CTNNA3: variants seen among roughly 807,000 people sequenced by gnomAD.
CTNNA3 encodes the protein catenin alpha 3.
A neutral mutation model predicts 95.7 loss-of-function variants in CTNNA3; 76 were observed. The ratio of observed to expected loss-of-function variants is 0.79; its 90% CI spans 0.66 to 0.96. The LOEUF (loss-of-function observed/expected upper bound fraction) is 0.96, where lower values mean the gene tolerates loss of function less well. Among genes scored for constraint, CTNNA3 ranks in the 40% least tolerant of loss-of-function variants. The pLI is 0.00. For synonymous variants in CTNNA3, 431 were observed against 374.4 expected, an observed-to-expected ratio of 1.15 and a Z score of -1.74; for missense variants, 1,191 against 1,089.8, an observed-to-expected ratio of 1.09 and a Z score of -1.31.
chr10:66,377,073 T>C (rs528519761), intron 12 of CTNNA3, among the ~76,000 whole-genome samples: 3 of 152,282 alleles, frequency 2.0e-5, no homozygotes, highest in South Asian at 2.1e-4. Flanking sequence ...TAGTAAGGCA[T>C]GCTTTTCATA....
At position 67,668,177 on chromosome 10, in the gene CTNNA3, T is replaced by C. The variant is rs1005104441; in HGVS notation, c.-5-20659A>G. The stretch of plus-strand genomic sequence containing the variant: ...AAGGCCTTATTAGCCTCAATTCTAT[T>C]TGTAGATTAAAAAAAATTAAGGATA... On this transcript the variant is annotated intron_variant, in intron 1 of 17. Transcript: ENST00000433211. 5.3e-5 allele frequency among the ~76,000 whole-genome samples: 8 copies of C among 152,214 alleles called. No homozygotes were observed. In the East Asian group the frequency reaches 1.5e-3, roughly 29 times the overall value.
At chr10:66,526,352 AT>A (rs571870700) in intron 10 of CTNNA3, among the ~76,000 whole-genome samples, 1 of 151,826 alleles carries the variant, frequency 6.6e-6, no homozygotes, top group Non-Finnish European at 1.5e-5. Context: ...CACCCAGATA[AT>A]TTTTTGTATT....
At chr10:66,862,941 T>C (rs1380541819) in intron 7 of CTNNA3, among the ~76,000 whole-genome samples, 1 of 152,124 alleles carries the variant, frequency 6.6e-6, no homozygotes, top group East Asian at 1.9e-4. Flanking sequence ...TTTTGCCTCC[T>C]GACTACCTGT....
intron 7 of CTNNA3, among the ~76,000 whole-genome samples, chr10:67,139,299 A>ATTTTTTTTTTT (rs60290459): frequency 7.6e-5 from 9 of 117,902 alleles, no homozygotes; most frequent in African/African-American, 2.0e-4. Context: ...CGCCCGGCTA[A>ATTTTTTTTTTT]TTTTTTTTTT....
chr10:66,048,201 C>T (rs879093809), intron 15 of CTNNA3, among the ~76,000 whole-genome samples: 9 of 152,124 alleles, frequency 5.9e-5, no homozygotes, highest in African/African-American at 1.9e-4. Context: ...AAGCTGGAGG[C>T]ATGATGTTAC....
chr10:65,923,430 TA>T (rs958394137), intron 17 of CTNNA3, among the ~76,000 whole-genome samples: 1 of 152,244 alleles, frequency 6.6e-6, no homozygotes, highest in African/African-American at 2.4e-5. Flanking sequence ...GAGCTAATTT[TA>T]TCCCAATACT....
intron 1 of CTNNA3, among the ~76,000 whole-genome samples, chr10:67,755,819 A>AAAAAAAAAAAAAG (rs1554881122): frequency 6.9e-6 from 1 of 145,154 alleles, no homozygotes; most frequent in East Asian, 2.0e-4. Context: ...AAAAAAAAAA[A>AAAAAAAAAAAAAG]AAAGAAAGAA....
In CTNNA3 at chr10:66,473,382, G is replaced by A. The variant is rs564244058; in HGVS notation, c.1531+47235C>T. 4.6e-5 allele frequency among the ~76,000 whole-genome samples: 7 copies of A among 151,912 alleles called. No individual in the cohort carries two copies. In the South Asian group the frequency reaches 8.3e-4, roughly 18 times the overall value. ...GCTCCTCATGCTTCTCTCTCCTGCC[G>A]ACATGTGAAGAAGGTCCTTGCTGCC... On this transcript the variant is annotated intron_variant, in intron 11 of 17. Transcript: ENST00000433211.
At chr10:66,246,136 C>G (rs1250345021) in intron 13 of CTNNA3, among the ~76,000 whole-genome samples, 1 of 152,190 alleles carries the variant, frequency 6.6e-6, no homozygotes, top group Non-Finnish European at 1.5e-5. Context: ...ATTCATGGTG[C>G]CTGGGCTTGG....
chr10:66,139,629 A>T (rs2083514983), intron 13 of CTNNA3, among the ~76,000 whole-genome samples: 3 of 152,072 alleles, frequency 2.0e-5, no homozygotes, highest in Admixed American at 2.0e-4. Flanking sequence ...TCCTATATGT[A>T]TTTTTATAAA....
intron 7 of CTNNA3, among the ~76,000 whole-genome samples, chr10:67,135,851 C>A (rs957757905): frequency 3.3e-5 from 5 of 152,156 alleles, no homozygotes; most frequent in African/African-American, 9.7e-5. Context: ...ATTCAAATTT[C>A]TTTTGACCCA....
chr10:66,667,394 C>T (rs191978128), intron 9 of CTNNA3, among the ~76,000 whole-genome samples: 36 of 152,204 alleles, frequency 2.4e-4, no homozygotes, highest in East Asian at 7.7e-4. Context: ...GCAGAAACAA[C>T]GTTAAGAGAA....
intron 7 of CTNNA3, among the ~76,000 whole-genome samples, chr10:66,848,576 G>A (rs960369956): frequency 6.6e-6 from 1 of 152,090 alleles, no homozygotes; most frequent in Non-Finnish European, 1.5e-5. Context: ...ATGCTGCTGT[G>A]AAAACAAACA....
chr10:66,462,466 T>G (rs1392416974), intron 11 of CTNNA3, among the ~76,000 whole-genome samples: 1 of 152,156 alleles, frequency 6.6e-6, no homozygotes, highest in African/African-American at 2.4e-5. Flanking sequence ...AATTTTAATC[T>G]AATTAGTTTG....
intron 11 of CTNNA3, among the ~76,000 whole-genome samples, chr10:66,463,691 T>A (rs7903280): frequency 0.38 from 57,449 of 151,794 alleles, 11,698 homozygotes; most frequent in East Asian, 0.59. Context: ...ATACCCTCTA[T>A]TCTGGAAAGA....
At chr10:66,025,350 C>T (rs2079312850) in intron 15 of CTNNA3, among the ~76,000 whole-genome samples, 2 of 152,180 alleles carry the variant, frequency 1.3e-5, no homozygotes, top group Non-Finnish European at 2.9e-5. Context: ...TTGTGGATCA[C>T]AGGGGAAGCT....
chr10:67,207,424 T>C (rs1366488526), intron 6 of CTNNA3, among the ~76,000 whole-genome samples: 3 of 152,162 alleles, frequency 2.0e-5, no homozygotes, highest in Admixed American at 1.3e-4. Context: ...CAGATAGAAC[T>C]TTATAAAATA....
chr10:66,200,060 A>C (rs1564757419), intron 13 of CTNNA3, among the ~76,000 whole-genome samples: 1 of 151,320 alleles, frequency 6.6e-6, no homozygotes, highest in Admixed American at 6.6e-5. Flanking sequence ...TACAAATTTT[A>C]AGTGACAAAG....
chr10:66,414,966 G>A (rs1365481604), intron 11 of CTNNA3, among the ~76,000 whole-genome samples: 3 of 152,148 alleles, frequency 2.0e-5, no homozygotes, highest in African/African-American at 7.2e-5. Context: ...ACCCAAGGCT[G>A]AGCAAGGGTG....
Sources: allele counts gnomAD v4.1 joint callset (sites outside exome capture counted in the v4.1 genomes callset), GRCh38; gene constraint gnomAD v4.1.1; transcripts MANE v1.5; gene names NCBI Gene and HGNC (gene_info 2026-07-23, HGNC 2026-07-21).